RARB: variants seen among roughly 807,000 people sequenced by gnomAD.
RARB encodes the protein retinoic acid receptor beta, also known as HBV-activated protein.
RARB carries 17 observed loss-of-function variants against 51.9 expected under a neutral mutation model. The ratio of observed to expected loss-of-function variants is 0.33; its 90% CI spans 0.22 to 0.49. RARB has a LOEUF of 0.49. Among genes scored for constraint, RARB ranks in the 20% least tolerant of loss-of-function variants. RARB has a pLI of 0.99. For missense variants in RARB, 369 were observed against 550.8 expected (o/e 0.67, Z 3.30); for synonymous variants, 215 against 195.4 (o/e 1.10, Z -0.84).
chr3:24,999,560 C>T (rs1340106875), intron 2 of RARB, among the ~76,000 whole-genome samples: 3 of 152,172 alleles, frequency 2.0e-5, no homozygotes, highest in Non-Finnish European at 4.4e-5. Context: ...TAGTTGATGA[C>T]ATCATCGGCA....
At position 25,111,534 on chromosome 3, in the gene RARB, A is replaced by G. The variant is rs75555012; in HGVS notation, c.-327-20627A>G. Reference sequence around the variant, plus strand: ...AAGAAAACTGACAGCTCTATAATATATATTGCAATTTAAGTCTCCTAGCTA... The same window carrying G: ...AAGAAAACTGACAGCTCTATAATATGTATTGCAATTTAAGTCTCCTAGCTA... On this transcript the variant is annotated intron_variant, in intron 3 of 11. Coordinates refer to the RARB transcript ENST00000383772. 3.4e-4 allele frequency among the ~76,000 whole-genome samples: 52 copies of G among 151,022 alleles called. 1 individual carries two copies. The East Asian group carries it at 1.0e-2, about 29-fold the overall frequency.
At chr3:24,953,309 G>GA (rs902185242) in intron 2 of RARB, among the ~76,000 whole-genome samples, 5 of 151,534 alleles carry the variant, frequency 3.3e-5, no homozygotes, top group African/African-American at 4.8e-5. Flanking sequence ...AAGGAGATCA[G>GA]AAAAAAAAGA....
At chr3:25,338,339 G>A (rs1705126434) in intron 5 of RARB, among the ~76,000 whole-genome samples, 1 of 152,130 alleles carries the variant, frequency 6.6e-6, no homozygotes, top group Non-Finnish European at 1.5e-5. Context: ...TCTGGCTATT[G>A]TCACACCATT....
chr3:24,943,796 T>A (rs548378382), intron 2 of RARB, among the ~76,000 whole-genome samples: 94 of 152,236 alleles, frequency 6.2e-4, no homozygotes, highest in Admixed American at 1.5e-3. Context: ...AAGATTAGAA[T>A]CTGCAGTCTT....
intron 5 of RARB, among the ~76,000 whole-genome samples, chr3:25,253,763 C>T (rs2125403198): frequency 6.6e-6 from 1 of 152,234 alleles, no homozygotes; most frequent in South Asian, 2.1e-4. Flanking sequence ...GTCAATAAGG[C>T]TATAAAGGTT....
intron 3 of RARB, among the ~76,000 whole-genome samples, chr3:25,517,529 C>T (rs1033726779): frequency 6.6e-6 from 1 of 152,102 alleles, no homozygotes; most frequent in African/African-American, 2.4e-5. Flanking sequence ...TTTGGACACT[C>T]GCACACTGCT....
chr3:25,157,571 A>C (rs1388511605), intron 4 of RARB, among the ~76,000 whole-genome samples: 1 of 146,710 alleles, frequency 6.8e-6, no homozygotes, highest in Admixed American at 6.9e-5. Context: ...CTAATTTTTT[A>C]TTTTTAGTAG....
intron 2 of RARB, among the ~76,000 whole-genome samples, chr3:25,466,486 G>A (rs372632647): frequency 6.6e-5 from 10 of 152,276 alleles, no homozygotes; most frequent in South Asian, 4.2e-4. Flanking sequence ...GTGAGCCACC[G>A]CTCCCAGCCT....
chr3:25,429,103 T>G (rs1708099846), intron 1 of RARB, among the ~76,000 whole-genome samples: 1 of 152,144 alleles, frequency 6.6e-6, no homozygotes, highest in South Asian at 2.1e-4. Flanking sequence ...CCCGCCCCCA[T>G]GCTCCTCTCC....
In RARB at chr3:25,049,202, C is replaced by G. The variant is rs554369111; in HGVS notation, c.-379-10923C>G. 1.1e-4 allele frequency among the ~76,000 whole-genome samples: 17 copies of G among 152,220 alleles called. 1 individual carries two copies. The East Asian group carries it at 2.3e-3, about 21-fold the overall frequency. Reference sequence around the variant, plus strand: ...GAAGCAGTGAGACATTTTAGGGATGCCTGTGGAAGAACTAAGGAACTGGGA... The same window carrying G: ...GAAGCAGTGAGACATTTTAGGGATGGCTGTGGAAGAACTAAGGAACTGGGA... On this transcript the variant is annotated intron_variant, in intron 2 of 11. Coordinates refer to the RARB transcript ENST00000383772.
intron 2 of RARB, among the ~76,000 whole-genome samples, chr3:24,944,805 G>T (rs1325697649): frequency 6.6e-6 from 1 of 152,214 alleles, no homozygotes; most frequent in African/African-American, 2.4e-5. Flanking sequence ...TGTTTACTAT[G>T]ATGTTAGTGC....
At chr3:25,383,232 G>A (rs1218508889) in intron 5 of RARB, among the ~76,000 whole-genome samples, 1 of 152,178 alleles carries the variant, frequency 6.6e-6, no homozygotes, top group African/African-American at 2.4e-5. Context: ...TAGAGCCAAG[G>A]TGAGAACCCA....
At chr3:25,086,057 G>C (rs1359978548) in intron 3 of RARB, among the ~76,000 whole-genome samples, 6 of 152,044 alleles carry the variant, frequency 3.9e-5, no homozygotes, top group Admixed American at 3.3e-4. Flanking sequence ...TAGTTAATGT[G>C]GTCACTATGG....
intron 3 of RARB, among the ~76,000 whole-genome samples, chr3:25,121,346 C>T (rs972893822): frequency 4.6e-5 from 7 of 152,058 alleles, no homozygotes; most frequent in African/African-American, 1.2e-4. Context: ...TGCTCACCTC[C>T]TTTTCAGTTT....
chr3:25,565,156 C>T (rs1700439984), intron 3 of RARB, among the ~76,000 whole-genome samples: 2 of 152,316 alleles, frequency 1.3e-5, no homozygotes, highest in South Asian at 2.1e-4. Flanking sequence ...ATGGGGTAGA[C>T]TCAGACGCAG....
At chr3:25,304,951 A>T (rs1486387874) in intron 5 of RARB, among the ~76,000 whole-genome samples, 1 of 152,188 alleles carries the variant, frequency 6.6e-6, no homozygotes, top group Non-Finnish European at 1.5e-5. Flanking sequence ...TACAAGAGAC[A>T]TTGTTCTAAG....
intron 2 of RARB, among the ~76,000 whole-genome samples, chr3:24,877,618 G>A (rs570480375): frequency 2.5e-4 from 38 of 152,226 alleles, no homozygotes; most frequent in East Asian, 7.7e-4. Flanking sequence ...AGGGCAGGAG[G>A]TTTTAGTATA....
At chr3:25,239,936 C>A (rs1461519774) in intron 5 of RARB, among the ~76,000 whole-genome samples, 1 of 152,026 alleles carries the variant, frequency 6.6e-6, no homozygotes, top group African/African-American at 2.4e-5. Flanking sequence ...AGATGCCTTT[C>A]CATTTGTTTG....
At chr3:25,196,200 C>T (rs1254799022) in intron 5 of RARB, among the ~76,000 whole-genome samples, 1 of 151,960 alleles carries the variant, frequency 6.6e-6, no homozygotes, top group Non-Finnish European at 1.5e-5. Flanking sequence ...AGGTATTACT[C>T]CTAATACTAC....
Sources: allele counts gnomAD v4.1 joint callset (sites outside exome capture counted in the v4.1 genomes callset), GRCh38; gene constraint gnomAD v4.1.1; transcripts MANE v1.5; gene names NCBI Gene and HGNC (gene_info 2026-07-23, HGNC 2026-07-21).